PLA2R1: variants seen among roughly 807,000 people sequenced by gnomAD.
The protein encoded by PLA2R1 is phospholipase A2 receptor 1.
PLA2R1 carries 158 observed loss-of-function variants against 195.9 expected under a neutral mutation model. That is an observed-to-expected ratio of 0.81 (90% CI 0.71 to 0.92). The LOEUF (loss-of-function observed/expected upper bound fraction) is 0.92, where lower values mean the gene tolerates loss of function less well. PLA2R1 is among the 40% of genes least tolerant of loss of function. The pLI, the probability that PLA2R1 is intolerant of heterozygous loss-of-function variation, is 0.00. For synonymous variants in PLA2R1, 586 were observed against 598.2 expected, an observed-to-expected ratio of 0.98 and a Z score of 0.30; for missense variants, 1,626 against 1,764.6, an observed-to-expected ratio of 0.92 and a Z score of 1.41.
At position 159,937,378 on chromosome 2, in the gene PLA2R1, G is replaced by A. The variant is rs941607809; in HGVS notation, c.*4400C>T. 4 of 152,112 alleles carry A rather than the reference G, an allele frequency of 2.6e-5. No individual in the cohort carries two copies. Among genetic ancestry groups the A allele is most frequent in the Non-Finnish European group, 2.9e-5 (2 of 68,020 alleles). 9.4% of individuals were successfully genotyped at this position (152,112 alleles called of 1,614,324 possible). Reference sequence around the variant, plus strand: ...ATTACAAGCTTTAATCAGAACACAAGAGCAGCAGATTTAGTTCATTCAATT... The same window carrying A: ...ATTACAAGCTTTAATCAGAACACAAAAGCAGCAGATTTAGTTCATTCAATT... On this transcript the variant is annotated 3_prime_UTR_variant, in exon 30 of 30. Transcript: ENST00000283243.
Position 159,946,855 on chromosome 2 carries a change from C to G in PLA2R1, c.3913G>C (p.Ala1305Pro). The change falls in exon 27 of 30, where the codon GCT becomes CCT. Residue 1305 changes from alanine (A) to proline (P), a missense_variant. Physicochemically the swap from Ala to Pro is conservative, Grantham distance 27. Transcript: ENST00000283243. Reference sequence around the variant, plus strand: ...ACCATCTGGACAGAAGAACCAAAAGCAAACAGCTCTTCTAGGAGAAATGCA... The same window carrying G: ...ACCATCTGGACAGAAGAACCAAAAGGAAACAGCTCTTCTAGGAGAAATGCA... ...ENAFLLEELF[A>P]FGSSVQMVWL... 1 of 1,611,808 alleles carries G rather than the reference C, an allele frequency of 6.2e-7. No homozygotes were observed. Among genetic ancestry groups the G allele is most frequent in the Non-Finnish European group, 8.5e-7 (1 of 1,179,160 alleles).
intron 11 of PLA2R1, among the ~76,000 whole-genome samples, chr2:160,000,255 T>C (rs932854666): frequency 6.6e-6 from 1 of 152,170 alleles, no homozygotes; most frequent in Non-Finnish European, 1.5e-5. Context: ...ACTCAGCTGT[T>C]TGTAAGGAAA....
At chr2:159,974,741 A>G (rs542946261) in intron 17 of PLA2R1, among the ~76,000 whole-genome samples, 2 of 140,342 alleles carry the variant, frequency 1.4e-5, no homozygotes, top group East Asian at 4.1e-4. Flanking sequence ...TTGTTCTGCA[A>G]CTGAGTGTCT....
In PLA2R1 at chr2:160,034,181, G is replaced by GT. The variant is rs528529971; in HGVS notation, c.668-1050dup. On this transcript the variant is annotated intron_variant, in intron 3 of 29. Transcript: ENST00000283243. ...TTGACAATAAAATCTTTTTTGTTTG[G>GT]TTTTTTTTCCTCCCTCATAACAGTT... is the stretch of plus-strand genomic sequence containing the variant. 6.7e-3 allele frequency among the ~76,000 whole-genome samples: 1,016 copies of GT among 151,990 alleles called. 7 individuals are homozygous for GT. The highest frequency in any genetic ancestry group is 0.054 in the Middle Eastern group (16 of 294).
At chr2:159,981,937 C>G (rs1358898033) in intron 13 of PLA2R1, among the ~76,000 whole-genome samples, 2 of 152,086 alleles carry the variant, frequency 1.3e-5, no homozygotes, top group African/African-American at 4.8e-5. Flanking sequence ...CCTTGGTGTC[C>G]CAAAGTGCTG....
intron 20 of PLA2R1, among the ~76,000 whole-genome samples, chr2:159,965,053 T>C (rs1299617583): frequency 2.0e-5 from 3 of 150,056 alleles, no homozygotes; most frequent in Non-Finnish European, 4.5e-5. Flanking sequence ...GTACAGAGAT[T>C]TCCCACCTGA....
intron 14 of PLA2R1, among the ~76,000 whole-genome samples, chr2:159,978,896 A>C (rs1172651981): frequency 1.3e-5 from 2 of 152,100 alleles, no homozygotes; most frequent in Non-Finnish European, 2.9e-5. Context: ...GCCAATCATG[A>C]GATATTATAA....
intron 11 of PLA2R1, among the ~76,000 whole-genome samples, chr2:159,997,846 T>G (rs2105363408): frequency 6.6e-6 from 1 of 152,266 alleles, no homozygotes; most frequent in South Asian, 2.1e-4. Context: ...TGTTCAGCTC[T>G]TTACTCATTA....
intron 17 of PLA2R1, among the ~76,000 whole-genome samples, chr2:159,972,858 G>C (rs911986653): frequency 3.3e-5 from 5 of 152,158 alleles, no homozygotes; most frequent in Admixed American, 2.0e-4. Flanking sequence ...GTTACTCAAA[G>C]AGTGGGAGAG....
chr2:159,924,265 G>A, the PLA2R1 span, among the ~76,000 whole-genome samples: 4 of 152,292 alleles, frequency 2.6e-5, no homozygotes, highest in Admixed American at 2.0e-4. Context: ...GGGTAATGCA[G>A]GATGATTTCC....
At chr2:159,982,186 A>C (rs1231046941) in intron 13 of PLA2R1, among the ~76,000 whole-genome samples, 1 of 152,242 alleles carries the variant, frequency 6.6e-6, no homozygotes, top group African/African-American at 2.4e-5. Context: ...AGGAAGCTAA[A>C]GTAATGAAGC....
chr2:159,961,757 G>A (rs940147468), intron 20 of PLA2R1, among the ~76,000 whole-genome samples: 1 of 152,132 alleles, frequency 6.6e-6, no homozygotes, highest in Non-Finnish European at 1.5e-5. Context: ...CTCTACGTGT[G>A]TACAGGAGGA....
intron 1 of PLA2R1, among the ~76,000 whole-genome samples, chr2:160,059,067 G>A (rs142043824): frequency 8.5e-5 from 13 of 152,260 alleles, no homozygotes; most frequent in South Asian, 8.3e-4. Flanking sequence ...TAAGGAGCTC[G>A]CAACCTAGAT....
chr2:159,967,876 T>G (rs565704636), intron 19 of PLA2R1, among the ~76,000 whole-genome samples, 198 bp from the exon 20 acceptor site: 12 of 152,214 alleles, frequency 7.9e-5, no homozygotes, highest in Admixed American at 3.3e-4. Flanking sequence ...GTAATTTTAA[T>G]TTAAGAATGT....
chr2:160,024,303 G>C (rs536972989), intron 6 of PLA2R1, among the ~76,000 whole-genome samples: 8 of 152,230 alleles, frequency 5.3e-5, no homozygotes, highest in Non-Finnish European at 1.2e-4. Flanking sequence ...GCTGCTGTGG[G>C]GCTCTCACTC....
At chr2:159,958,087 A>C (rs988980819) in intron 20 of PLA2R1, among the ~76,000 whole-genome samples, 2 of 151,930 alleles carry the variant, frequency 1.3e-5, no homozygotes, top group African/African-American at 2.4e-5. Flanking sequence ...GTTCCCTCCA[A>C]CTCTCATGTT....
intron 11 of PLA2R1, among the ~76,000 whole-genome samples, chr2:160,003,196 AG>A (rs1691723409): frequency 6.6e-6 from 1 of 152,066 alleles, no homozygotes; most frequent in South Asian, 2.1e-4. Context: ...TTAAAATCTC[AG>A]ATCAATCAAA....
intron 1 of PLA2R1, among the ~76,000 whole-genome samples, chr2:160,055,975 G>A (rs1342975047): frequency 2.6e-5 from 4 of 151,784 alleles, no homozygotes; most frequent in Non-Finnish European, 5.9e-5. Flanking sequence ...CCCCTTCCTC[G>A]CCACTGGGGC....
intron 3 of PLA2R1, 89 bp downstream of exon 3, chr2:160,041,936 A>G: frequency 9.9e-7 from 1 of 1,013,426 alleles, no homozygotes; most frequent in African/African-American, 1.6e-5. Flanking sequence ...TCAATATATC[A>G]ATCCCAGTGC....
Sources: allele counts gnomAD v4.1 joint callset (sites outside exome capture counted in the v4.1 genomes callset), GRCh38; gene constraint gnomAD v4.1.1; transcripts MANE v1.5; gene names NCBI Gene and HGNC (gene_info 2026-07-23, HGNC 2026-07-21).